The following DICER1 variants were observed in gnomAD, a reference collection of about 807,000 sequenced individuals.
The protein encoded by DICER1 is endoribonuclease Dicer.
A neutral mutation model predicts 194.1 loss-of-function variants in DICER1; 43 were observed. That is an observed-to-expected ratio of 0.22 (90% CI 0.17 to 0.29). The LOEUF is 0.29. DICER1 is among the 10% of genes least tolerant of loss of function. The pLI is 1.00. For missense variants in DICER1, 1,608 were observed against 2,317.0 expected (o/e 0.69, Z 6.28); for synonymous variants, 832 against 820.5 (o/e 1.01, Z -0.24).
Position 95,090,675 on chromosome 14 carries a change from C to A in DICER1, c.5604-12G>T, listed in dbSNP as rs149841885. The A allele has an allele frequency of 3.1e-6, 5 of 1,614,052 alleles. No homozygotes were observed. Among genetic ancestry groups the A allele is most frequent in the Non-Finnish European group, 4.2e-6 (5 of 1,179,928 alleles). ...TTCTCTCAGCCGGGCTGTAAAAAAT[C>A]CAAACAGCTTGAATTAGAAGTCAGA... On this transcript the variant is annotated splice_polypyrimidine_tract_variant and intron_variant, in intron 26 of 26. Coordinates refer to ENST00000343455, the MANE Select transcript of DICER1 (RefSeq NM_177438.3).
intron 1 of DICER1, among the ~76,000 whole-genome samples, chr14:95,153,149 G>A (rs113462620): frequency 0.037 from 5,588 of 151,922 alleles, 318 homozygotes; most frequent in African/African-American, 0.12. Flanking sequence ...CCCAGGAGGC[G>A]GAGCTTGCCG....
At chr14:95,154,792 T>C (rs571399126) in intron 1 of DICER1, among the ~76,000 whole-genome samples, 7 of 151,360 alleles carry the variant, frequency 4.6e-5, no homozygotes, top group Admixed American at 4.6e-4. Flanking sequence ...CTAAAAACAA[T>C]GTAAATGTAC....
rs772419252 is a variant in DICER1, at chr14:95,090,269, GAAGAT to G, written c.*224_*228del. On this transcript the variant is annotated 3_prime_UTR_variant, in exon 27 of 27. Transcript: ENST00000343455. ...TTTAAACAAAGCAGAAGTGAGGAAA[GAAGAT>G]AAGATTGTGTTTGCGCAAAAAACTA... 1.7e-4 allele frequency: 94 copies of G among 568,760 alleles called. No homozygotes were observed. Among genetic ancestry groups the G allele is most frequent in the Non-Finnish European group, 2.3e-4 (75 of 321,076 alleles). The allele number at this position is 568,760 out of a possible 1,614,324, so 35.2% of individuals were successfully genotyped here. A position where few individuals can be genotyped will look rare whatever the true frequency, so the allele number is the denominator to read the frequency against.
At chr14:95,135,936 T>C (rs1894329840) in intron 1 of DICER1, among the ~76,000 whole-genome samples, 1 of 152,208 alleles carries the variant, frequency 6.6e-6, no homozygotes, top group African/African-American at 2.4e-5. Flanking sequence ...ACAGCAATGT[T>C]AAAATTCCCT....
chr14:95,146,333 C>T (rs1009530133), intron 1 of DICER1, among the ~76,000 whole-genome samples: 1 of 152,162 alleles, frequency 6.6e-6, no homozygotes, highest in African/African-American at 2.4e-5. Context: ...CCTACACTTC[C>T]CTAATTGGTT....
At chr14:95,100,944 G>C (rs1375320333) in intron 21 of DICER1, among the ~76,000 whole-genome samples, 1 of 152,164 alleles carries the variant, frequency 6.6e-6, no homozygotes, top group Non-Finnish European at 1.5e-5. Flanking sequence ...AAACGTAGCA[G>C]GCTGAAATAA....
intron 17 of DICER1, 106 bp from the exon 18 acceptor site, chr14:95,106,329 G>C: frequency 2.3e-6 from 2 of 873,456 alleles, no homozygotes; most frequent in Non-Finnish European, 3.7e-6. Context: ...GAATTCAAAA[G>C]ATTAAAAATA....
At chr14:95,113,325 G>T in intron 11 of DICER1, 101 bp from the exon 12 acceptor site, 1 of 1,148,190 alleles carries the variant, frequency 8.7e-7, no homozygotes. Context: ...CCCCTCTACT[G>T]AATTTGTATT....
chr14:95,116,841 T>G (rs1489124734), intron 9 of DICER1, 146 bp from the exon 10 acceptor site: 1 of 819,638 alleles, frequency 1.2e-6, no homozygotes, highest in Non-Finnish European at 2.0e-6. Context: ...CTAAAGAAGA[T>G]GACAGTATCA....
chr14:95,124,330 A>C lies in DICER1; in HGVS notation c.1242T>G (p.Asp414Glu), dbSNP rs1893200034. 2 of 1,613,978 alleles carry C rather than the reference A, an allele frequency of 1.2e-6. No homozygotes were observed. The change falls in exon 8 of 27, where the codon GAT (aspartate) becomes GAG (glutamate). Residue 414 changes from aspartate to glutamate, a missense_variant. Coordinates refer to ENST00000343455, the MANE Select transcript of DICER1 (RefSeq NM_177438.3). The surrounding 1 kb of genome is among the most constrained non-coding windows in gnomAD (Gnocchi z 4.5). ...RNQDNYVSWS[D>E]SEDDDEDEEI... The stretch of plus-strand genomic sequence containing the variant: ...CTTCATCCTCATCATCATCCTCAGA[A>C]TCACTCCATGACACATAATTATCCT...
At chr14:95,112,604 T>C (rs916968336) in intron 12 of DICER1, among the ~76,000 whole-genome samples, 12 of 152,234 alleles carry the variant, frequency 7.9e-5, no homozygotes, top group African/African-American at 2.7e-4. Flanking sequence ...GAGCAGCTTT[T>C]TATGTGCAAT....
At position 95,154,866 on chromosome 14, in the gene DICER1, CAA is replaced by C. The variant is rs77879997; in HGVS notation, c.-46+2362_-46+2363del. Among the ~76,000 whole-genome samples the C allele has an allele frequency of 2.9e-4, 19 of 65,700 alleles. No homozygotes were observed. The South Asian group carries it at 4.8e-3, about 16-fold the overall frequency. The allele number at this position is 65,700 out of a possible 152,430, so 43.1% of individuals were successfully genotyped here. A position where few individuals can be genotyped will look rare whatever the true frequency, so the allele number is the denominator to read the frequency against. ...TTGTGTTATGTATATTTTACCATGC[CAA>C]AAAAAAAAAAAAACAACTATCTGAA... On this transcript the variant is annotated intron_variant, in intron 1 of 26. Coordinates refer to ENST00000343455, the MANE Select transcript of DICER1 (RefSeq NM_177438.3).
At position 95,088,294 on chromosome 14, in the gene DICER1, T is replaced by C. The variant is rs1242660476; in HGVS notation, c.*2204A>G. 4.3e-6 allele frequency: 1 copy of C among 232,048 alleles called. No homozygotes were observed. Among genetic ancestry groups the C allele is most frequent in the Non-Finnish European group, 8.5e-6 (1 of 117,162 alleles). 14.4% of individuals were successfully genotyped at this position (232,048 alleles called of 1,614,324 possible). ...TTACAAATATATTGAGGCATTTTTC[T>C]CCCACTGGGAATCATAACTGTGAAA... On this transcript the variant is annotated 3_prime_UTR_variant, in exon 27 of 27. Transcript: ENST00000343455.
chr14:95,128,976 G>A (rs1040301211), intron 6 of DICER1: 2 of 154,214 alleles, frequency 1.3e-5, no homozygotes, highest in African/African-American at 4.9e-5. Context: ...ACTCAAAATA[G>A]TAACCCTCTC....
chr14:95,111,546 T>C, intron 13 of DICER1, 90 bp from the exon 14 acceptor site: 2 of 1,407,478 alleles, frequency 1.4e-6, no homozygotes, highest in Non-Finnish European at 2.0e-6. Flanking sequence ...TAGAAGGACC[T>C]GGAAAAGTAA....
chr14:95,122,921 T>TGCGCGTGCGTGTACGC (rs1893058131), intron 8 of DICER1, among the ~76,000 whole-genome samples: 1 of 151,102 alleles, frequency 6.6e-6, no homozygotes, highest in African/African-American at 2.4e-5. Context: ...TAAGCGCGTG[T>TGCGCGTGCGTGTACGC]GCGCGTGCGT....
chr14:95,138,674 C>T (rs923685319), intron 1 of DICER1, among the ~76,000 whole-genome samples: 3 of 152,040 alleles, frequency 2.0e-5, no homozygotes, highest in Admixed American at 2.0e-4. Flanking sequence ...TGTAACCTTA[C>T]GTTCAGATTA....
rs956187448 is a variant in DICER1, at chr14:95,117,547, AGGGAGACCCTAT to A, written c.1509+63_1509+74del. The stretch of plus-strand genomic sequence containing the variant: ...AGTAATTCTGGGAAACTATGAAAAA[AGGGAGACCCTAT>A]GGGCACTTTGTCTGTATATGTCCCG... On this transcript the variant is annotated intron_variant, in intron 9 of 26. Transcript: ENST00000343455. 1.0e-5 allele frequency: 15 copies of A among 1,471,698 alleles called. 1 individual carries two copies. In the Admixed American group the frequency reaches 2.5e-4, roughly 25 times the overall value. The allele number at this position is 1,471,698 out of a possible 1,614,324, so 91.2% of individuals were successfully genotyped here.
In DICER1 at chr14:95,096,305, T is replaced by C; in HGVS notation, c.4615A>G (p.Thr1539Ala). 6.2e-7 allele frequency: 1 copy of C among 1,614,226 alleles called. No individual in the cohort carries two copies. Among genetic ancestry groups the C allele is most frequent in the Non-Finnish European group, 8.5e-7 (1 of 1,180,044 alleles). ...NPSEENCGVD[T>A]GKQSISYDLH... Reference sequence around the variant, plus strand: ...TCGTAAGAAATGGACTGCTTTCCCGTGTCAACACCACAGTTTTCTTCTGAT... The same window carrying C: ...TCGTAAGAAATGGACTGCTTTCCCGCGTCAACACCACAGTTTTCTTCTGAT... Residue 1539 changes from threonine to alanine, a missense_variant, in exon 23 of 27, where the codon ACG becomes GCG. Around this residue, in one of 10 missense-constraint regions of DICER1, gnomAD observed 164 missense variants for 183.7 expected, o/e 0.89. Transcript: ENST00000343455.
Sources: allele counts gnomAD v4.1 joint callset (sites outside exome capture counted in the v4.1 genomes callset), GRCh38; gene constraint gnomAD v4.1.1; regional missense constraint gnomAD v4.1.1; non-coding constraint Gnocchi (gnomAD v3.1); transcripts MANE v1.5; gene names NCBI Gene and HGNC (gene_info 2026-07-23, HGNC 2026-07-21).